Variants in ZNF75D observed in about 807,000 individuals in gnomAD.
ZNF75D encodes zinc finger protein 75D, also known as zinc finger protein 75.
A neutral mutation model predicts 33.3 loss-of-function variants in ZNF75D; 33 were observed. The observed-to-expected ratio is 0.99, with a 90% CI of 0.75 to 1.32. ZNF75D has a LOEUF of 1.32. ZNF75D is among the 40% of genes most tolerant of loss of function. ZNF75D has a pLI of 0.00. For synonymous variants in ZNF75D, 113 were observed against 130.6 expected, an observed-to-expected ratio of 0.87 and a Z score of 0.92; for missense variants, 338 against 367.5, an observed-to-expected ratio of 0.92 and a Z score of 0.66.
chrX:135,329,372 C>G (rs1292537315), intron 1 of ZNF75D, among the ~76,000 whole-genome samples: 1 of 111,148 alleles, frequency 9.0e-6, no homozygotes, highest in Non-Finnish European at 1.9e-5. Context: ...CAACCGCTGC[C>G]TCTTAGGCTC....
intron 1 of ZNF75D, among the ~76,000 whole-genome samples, chrX:135,266,283 T>C (rs1602585022): frequency 8.9e-6 from 1 of 111,840 alleles, no homozygotes; most frequent in African/African-American, 3.2e-5. Flanking sequence ...TTATCAATAA[T>C]AACAATGAAT....
chrX:135,331,196 T>A (rs1045796622), intron 1 of ZNF75D, among the ~76,000 whole-genome samples: 2 of 111,169 alleles, frequency 1.8e-5, no homozygotes, highest in Non-Finnish European at 3.8e-5. Flanking sequence ...CACAAGGCAT[T>A]TTAATATAGG....
At chrX:135,315,281 T>C (rs782656498) in intron 1 of ZNF75D, among the ~76,000 whole-genome samples, 37 of 112,526 alleles carry the variant, frequency 3.3e-4, no homozygotes, top group South Asian at 7.2e-4. Flanking sequence ...TCTAGTTTTA[T>C]TCCATTGTGG....
intron 1 of ZNF75D, among the ~76,000 whole-genome samples, chrX:135,306,288 T>TACACACACACACACACACACAC (rs57049630): frequency 2.4e-5 from 2 of 83,244 alleles, no homozygotes; most frequent in Admixed American, 1.4e-4. Context: ...CAGAGATACA[T>TACACACACACACACACACACAC]ACACACACAC....
intron 1 of ZNF75D, among the ~76,000 whole-genome samples, chrX:135,271,439 G>A (rs1360783377): frequency 9.0e-6 from 1 of 111,641 alleles, no homozygotes; most frequent in Non-Finnish European, 1.9e-5. Flanking sequence ...TAAATATTAA[G>A]GAGGTATTAA....
At chrX:135,312,776 A>G (rs1556429094) in intron 1 of ZNF75D, among the ~76,000 whole-genome samples, 1 of 108,712 alleles carries the variant, frequency 9.2e-6, no homozygotes, top group Non-Finnish European at 1.9e-5. Context: ...CTTTTTTCGT[A>G]TACCTGTTGG....
At chrX:135,288,441 G>C (rs112596152) in intron 6 of ZNF75D, among the ~76,000 whole-genome samples, 1,166 of 112,175 alleles carry the variant, frequency 0.01, 17 homozygotes, top group African/African-American at 0.035. Context: ...TAACTCAGAA[G>C]GCTGCATTTT....
rs147567884 is a variant in ZNF75D at position 135,262,586 on chromosome X, G to T, written n.828-6809C>A. ...ACCCTTTCTTCCACTTGATCGAATT[G>T]GTATTGAAGCTTGTGCATAAATCAC... On this transcript the variant is annotated intron_variant and non_coding_transcript_variant, in intron 1 of 3. Transcript: ENST00000494295. Among the ~76,000 whole-genome samples the T allele has an allele frequency of 2.8e-3, 316 of 111,630 alleles. 2 individuals are homozygous for T. The highest frequency in any genetic ancestry group is 9.4e-3 in the African/African-American group (288 of 30,740).
At chrX:135,311,351 G>C (rs1201560262) in intron 1 of ZNF75D, among the ~76,000 whole-genome samples, 1 of 112,410 alleles carries the variant, frequency 8.9e-6, no homozygotes, top group Admixed American at 9.4e-5. Flanking sequence ...AGGCAGTCAG[G>C]AAGGAGAGCT....
At chrX:135,313,520 T>C (rs2084384958) in intron 1 of ZNF75D, among the ~76,000 whole-genome samples, 1 of 111,770 alleles carries the variant, frequency 8.9e-6, no homozygotes, top group South Asian at 3.7e-4. Flanking sequence ...TTTTTTCTAT[T>C]TCTGTGAAAA....
chrX:135,341,078 A>G (rs2084778343), intron 1 of ZNF75D, among the ~76,000 whole-genome samples: 1 of 111,836 alleles, frequency 8.9e-6, no homozygotes. Context: ...AACAGATGGC[A>G]GTCTACTAAA....
At chrX:135,291,342 T>A in intron 5 of ZNF75D, 130 bp downstream of exon 5, 1 of 861,229 alleles carries the variant, frequency 1.2e-6, no homozygotes, top group Non-Finnish European at 1.7e-6. Context: ...CAAGCCTAGT[T>A]GCCTAGAGAA....
rs1470287234 is a variant in ZNF75D, at chrX:135,343,817, G to A, written c.-2440C>T. On this transcript the variant is annotated 5_prime_UTR_variant, in exon 1 of 7. Transcript: ENST00000370766. ...GCTCCGGTTTCAAGTTCCAGCCGGT[G>A]AGCCCAACTTTGGACCCGGCAGAGC... is the stretch of plus-strand genomic sequence containing the variant. 3.6e-5 allele frequency: 4 copies of A among 111,723 alleles called. No individual in the cohort carries two copies. Among genetic ancestry groups the A allele is most frequent in the African/African-American group, 1.3e-4 (4 of 30,661 alleles). The allele number at this position is 111,723 out of a possible 1,213,427, so 9.2% of individuals were successfully genotyped here.
At chrX:135,302,934 G>T (rs1412647178) in intron 1 of ZNF75D, among the ~76,000 whole-genome samples, 3 of 110,616 alleles carry the variant, frequency 2.7e-5, no homozygotes, top group Non-Finnish European at 5.7e-5. Flanking sequence ...GGTGTTTCTC[G>T]GGGAGGAGGA....
rs1556421530 is a variant in ZNF75D, at chrX:135,292,382, G to T, written c.503C>A (p.Pro168Gln). The part of the protein sequence containing the change: ...GFKWKPAEPQ[P>Q]MGVFQKEYWN... The stretch of plus-strand genomic sequence containing the variant: ...ATATTCTTTCTGGAACACACCCATT[G>T]GTTGGGGCTCTGCTGGCTTCCACTT... Residue 168 changes from proline to glutamine, a missense_variant, in exon 4 of 7, where the codon CCA (proline) becomes CAA (glutamine). Physicochemically the swap from Pro to Gln is moderately conservative, Grantham distance 76. Coordinates refer to ENST00000370766, the MANE Select transcript of ZNF75D (RefSeq NM_007131.5). 8.3e-7 allele frequency: 1 copy of T among 1,211,496 alleles called. No homozygotes were observed. Among genetic ancestry groups the T allele is most frequent in the Admixed American group, 2.2e-5 (1 of 46,067 alleles).
chrX:135,261,774 T>C (rs1162283545), intron 1 of ZNF75D, among the ~76,000 whole-genome samples: 2 of 112,111 alleles, frequency 1.8e-5, no homozygotes, highest in Non-Finnish European at 3.8e-5. Flanking sequence ...TGTCTTTTAA[T>C]TGGGGCATTT....
intron 1 of ZNF75D, among the ~76,000 whole-genome samples, chrX:135,302,003 G>A (rs1214873012): frequency 1.8e-5 from 2 of 112,105 alleles, no homozygotes; most frequent in African/African-American, 6.5e-5. Flanking sequence ...ACACCCACAG[G>A]TCCAACACCA....
chrX:135,301,328 C>G (rs1199263152), intron 1 of ZNF75D, among the ~76,000 whole-genome samples: 1 of 111,186 alleles, frequency 9.0e-6, no homozygotes, highest in Admixed American at 9.5e-5. Context: ...CAGAGCCAAA[C>G]CATATCATTC....
At chrX:135,275,161 AT>A (rs1264671069) in intron 1 of ZNF75D, among the ~76,000 whole-genome samples, 3 of 112,591 alleles carry the variant, frequency 2.7e-5, no homozygotes. Flanking sequence ...CTGAAAGAGA[AT>A]TGGCGAATTA....
Sources: gnomAD v4.1 joint callset for allele counts (sites outside exome capture counted in the v4.1 genomes callset) on GRCh38, gnomAD v4.1.1 for gene constraint, MANE v1.5 for transcripts, NCBI Gene and HGNC (gene_info 2026-07-23, HGNC 2026-07-21) for gene names.